Variants in HLCS observed in about 807,000 individuals in gnomAD.
HLCS encodes the protein holocarboxylase synthetase, also known as biotin--protein ligase.
In HLCS, 53 loss-of-function variants were observed where a neutral mutation model predicts 75.0. The ratio of observed to expected loss-of-function variants is 0.71; its 90% CI spans 0.57 to 0.89. The LOEUF (loss-of-function observed/expected upper bound fraction) is 0.89, where lower values mean the gene tolerates loss of function less well. Among genes scored for constraint, HLCS ranks in the 40% least tolerant of loss-of-function variants. The probability of loss-of-function intolerance (pLI) is 0.00; values close to 1 mark genes in which losing one functional copy is unlikely to be tolerated. For missense variants in HLCS, 966 were observed against 1,074.0 expected, an observed-to-expected ratio of 0.90 and a Z score of 1.41; for synonymous variants, 431 against 428.6, an observed-to-expected ratio of 1.01 and a Z score of -0.07.
chr21:36,927,770 G>T (rs190576570), intron 5 of HLCS, among the ~76,000 whole-genome samples: 1 of 152,300 alleles, frequency 6.6e-6, no homozygotes, highest in African/African-American at 2.4e-5. Flanking sequence ...ATAGTTCTAG[G>T]GTCCTGTATG....
intron 6 of HLCS, among the ~76,000 whole-genome samples, chr21:36,790,171 C>T (rs1182297217): frequency 6.6e-6 from 1 of 152,138 alleles, no homozygotes; most frequent in Non-Finnish European, 1.5e-5. Context: ...TTTGGGAGGC[C>T]AAGGTGGGCC....
intron 1 of HLCS, among the ~76,000 whole-genome samples, chr21:36,986,397 T>C (rs936512411): frequency 1.3e-5 from 2 of 152,152 alleles, no homozygotes; most frequent in African/African-American, 2.4e-5. Context: ...ATGACTGTGT[T>C]AGTTGCAATG....
chr21:36,931,477 T>TA (rs899499852), intron 4 of HLCS, among the ~76,000 whole-genome samples: 2 of 151,834 alleles, frequency 1.3e-5, no homozygotes, highest in African/African-American at 4.8e-5. Flanking sequence ...AGGCTGGGTA[T>TA]AAAGGCTCAC....
chr21:36,874,113 T>C (rs962816678), intron 6 of HLCS, among the ~76,000 whole-genome samples: 3 of 152,252 alleles, frequency 2.0e-5, no homozygotes, highest in Admixed American at 6.5e-5. Flanking sequence ...CTTCTTTTCC[T>C]ATATGGAGCA....
intron 9 of HLCS, among the ~76,000 whole-genome samples, chr21:36,757,646 CGGCAAGTGTCCT>C (rs1371681562): frequency 1.3e-5 from 2 of 152,206 alleles, no homozygotes; most frequent in South Asian, 4.1e-4. Flanking sequence ...ACAGCCTTCC[CGGCAAGTGTCCT>C]GCCGTTTCCA....
chr21:36,774,972 T>C (rs571426581), intron 6 of HLCS, among the ~76,000 whole-genome samples: 139 of 152,374 alleles, frequency 9.1e-4, no homozygotes, highest in African/African-American at 3.2e-3. Context: ...CAATGCACTC[T>C]GTTGGTATGC....
At chr21:36,904,269 T>C (rs2065357899) in intron 5 of HLCS, among the ~76,000 whole-genome samples, 1 of 152,232 alleles carries the variant, frequency 6.6e-6, no homozygotes, top group Admixed American at 6.5e-5. Flanking sequence ...CTTATGTGCA[T>C]GCAAGTTGAG....
At chr21:36,914,296 G>C (rs1042732703) in intron 5 of HLCS, among the ~76,000 whole-genome samples, 2 of 152,182 alleles carry the variant, frequency 1.3e-5, no homozygotes, top group African/African-American at 4.8e-5. Flanking sequence ...TACACAGCCT[G>C]ATCTAGCGAT....
At chr21:36,770,737 C>G (rs1248609032) in intron 6 of HLCS, among the ~76,000 whole-genome samples, 1 of 151,906 alleles carries the variant, frequency 6.6e-6, no homozygotes, top group Non-Finnish European at 1.5e-5. Context: ...CCACACCTGG[C>G]TAATTTTTGT....
At chr21:36,820,511 C>T (rs2061804953) in intron 6 of HLCS, among the ~76,000 whole-genome samples, 1 of 152,234 alleles carries the variant, frequency 6.6e-6, no homozygotes, top group Non-Finnish European at 1.5e-5. Context: ...AAAGTTGTGG[C>T]CAAGCCCAGG....
At position 36,941,439 on chromosome 21, in the gene HLCS, A is replaced by T. The variant is rs1003524231; in HGVS notation, c.331-2445T>A. Among the ~76,000 whole-genome samples the T allele has an allele frequency of 3.9e-5, 6 of 152,270 alleles. No homozygotes were observed. The East Asian group carries it at 1.2e-3, about 29-fold the overall frequency. Reference sequence around the variant, plus strand: ...AGTGTGAAAACAGACTAACACATATAGACCAAGAGAACAGAGCTGACAGTA... The same window carrying T: ...AGTGTGAAAACAGACTAACACATATTGACCAAGAGAACAGAGCTGACAGTA... On this transcript the variant is annotated intron_variant, in intron 2 of 10. Transcript: ENST00000674895.
At position 36,948,728 on chromosome 21, in the gene HLCS, CAAAAAAAAA is replaced by C. The variant is rs58685577; in HGVS notation, c.331-9743_331-9735del. ...TGGATGACAGAATGAGACCCTGTCT[CAAAAAAAAA>C]AAAAAAAAAAAAAAAAAGACAATAT... On this transcript the variant is annotated intron_variant, in intron 2 of 10. Transcript: ENST00000674895. 4.3e-4 allele frequency among the ~76,000 whole-genome samples: 24 copies of C among 55,878 alleles called. No individual in the cohort carries two copies. In the South Asian group the frequency reaches 7.4e-3, roughly 17 times the overall value. 36.7% of individuals were successfully genotyped at this position (55,878 alleles called of 152,430 possible). A position where few individuals can be genotyped will look rare whatever the true frequency, so the allele number is the denominator to read the frequency against.
At chr21:36,850,660 T>C (rs1041469167) in intron 6 of HLCS, among the ~76,000 whole-genome samples, 4 of 152,042 alleles carry the variant, frequency 2.6e-5, no homozygotes, top group African/African-American at 9.7e-5. Flanking sequence ...AAGGGAGAGG[T>C]GTCCCCAGGG....
intron 6 of HLCS, among the ~76,000 whole-genome samples, chr21:36,775,862 G>A (rs1382860599): frequency 1.3e-5 from 2 of 152,178 alleles, no homozygotes; most frequent in African/African-American, 2.4e-5. Flanking sequence ...AGATGTCTGC[G>A]AACAGTGTTT....
At chr21:36,966,736 G>T, upstream of HLCS, 1 of 453,062 alleles carries the variant, frequency 2.2e-6, no homozygotes, top group Non-Finnish European at 2.9e-6. Flanking sequence ...GCCCCCCCGG[G>T]CCAGGCGGCG....
intron 6 of HLCS, among the ~76,000 whole-genome samples, chr21:36,812,624 T>G (rs1173911698): frequency 6.6e-6 from 1 of 152,212 alleles, no homozygotes; most frequent in Non-Finnish European, 1.5e-5. Context: ...CACTGTACTC[T>G]TCACCAAATT....
At chr21:36,888,450 ATATATATAT>A (rs1418370727) in intron 6 of HLCS, among the ~76,000 whole-genome samples, 2 of 10,682 alleles carry the variant, frequency 1.9e-4, no homozygotes, top group Non-Finnish European at 3.4e-4. Context: ...AAAAAAATAT[ATATATATAT>A]ATATATATAT....
At chr21:36,866,246 T>C (rs1271841647) in intron 6 of HLCS, among the ~76,000 whole-genome samples, 4 of 151,930 alleles carry the variant, frequency 2.6e-5, no homozygotes, top group Non-Finnish European at 5.9e-5. Context: ...ATGCTGGAAA[T>C]TAAACCAATA....
intron 6 of HLCS, among the ~76,000 whole-genome samples, chr21:36,841,802 T>C (rs2062626576): frequency 6.6e-6 from 1 of 152,212 alleles, no homozygotes; most frequent in Non-Finnish European, 1.5e-5. Flanking sequence ...AGGGTAGGCC[T>C]GGCATCCCAG....
Sources: gnomAD v4.1 joint callset for allele counts (sites outside exome capture counted in the v4.1 genomes callset) on GRCh38, gnomAD v4.1.1 for gene constraint, MANE v1.5 for transcripts, NCBI Gene and HGNC (gene_info 2026-07-23, HGNC 2026-07-21) for gene names.